The following IL16 variants were observed in gnomAD, a reference collection of about 807,000 sequenced individuals.
IL16 encodes pro-interleukin-16.
IL16 carries 67 observed loss-of-function variants against 110.1 expected under a neutral mutation model. That is an observed-to-expected ratio of 0.61 (90% CI 0.50 to 0.75). The LOEUF (loss-of-function observed/expected upper bound fraction) is 0.75, where lower values mean the gene tolerates loss of function less well. IL16 is among the 30% of genes least tolerant of loss of function. The pLI, the probability that IL16 is intolerant of heterozygous loss-of-function variation, is 0.00. For synonymous variants in IL16, 689 were observed against 662.9 expected, an observed-to-expected ratio of 1.04 and a Z score of -0.61; for missense variants, 1,545 against 1,655.0, an observed-to-expected ratio of 0.93 and a Z score of 1.15.
chr15:81,236,755 A>G (rs1438326415), intron 2 of IL16, among the ~76,000 whole-genome samples: 1 of 148,076 alleles, frequency 6.8e-6, no homozygotes, highest in Non-Finnish European at 1.5e-5. Flanking sequence ...CAGGAGTTCG[A>G]GACCAGCCTG....
chr15:81,256,582 G>A (rs1897955232), intron 2 of IL16, among the ~76,000 whole-genome samples: 1 of 152,018 alleles, frequency 6.6e-6, no homozygotes, highest in Admixed American at 6.6e-5. Flanking sequence ...GAACTCCAGT[G>A]AACCCCCCAA....
At chr15:81,205,066 G>A (rs1327586443) in intron 1 of IL16, among the ~76,000 whole-genome samples, 3 of 152,104 alleles carry the variant, frequency 2.0e-5, no homozygotes, top group Non-Finnish European at 4.4e-5. Flanking sequence ...CAGCACCTTG[G>A]GGGGCCAAGG....
At chr15:81,237,672 C>G (rs1897218786) in intron 2 of IL16, among the ~76,000 whole-genome samples, 1 of 152,044 alleles carries the variant, frequency 6.6e-6, no homozygotes, top group African/African-American at 2.4e-5. Flanking sequence ...GGTTATTATT[C>G]TCTTGCTTTT....
chr15:81,261,279 C>T (rs1337098884), intron 3 of IL16, among the ~76,000 whole-genome samples: 1 of 152,226 alleles, frequency 6.6e-6, no homozygotes, highest in Non-Finnish European at 1.5e-5. Flanking sequence ...CACAGGGCCC[C>T]AGGTGACTGT....
chr15:81,286,424 C>T (rs1428982282), intron 10 of IL16, among the ~76,000 whole-genome samples: 1 of 152,060 alleles, frequency 6.6e-6, no homozygotes, highest in Non-Finnish European at 1.5e-5. Flanking sequence ...CAAAAAGGGA[C>T]CTGACATGGA....
chr15:81,295,427 C>T (rs1294885807), intron 12 of IL16: 2 of 1,288,178 alleles, frequency 1.6e-6, no homozygotes, highest in Admixed American at 2.3e-5. Context: ...TGTAAAGCTG[C>T]ATTGACTGCA....
intron 6 of IL16, among the ~76,000 whole-genome samples, chr15:81,277,291 A>C (rs542381341): frequency 6.6e-6 from 1 of 152,322 alleles, no homozygotes; most frequent in African/African-American, 2.4e-5. Context: ...GAAAAGGGAG[A>C]GATAGTATGC....
rs953572877 is a variant in IL16, at chr15:81,313,744, T to C, written c.*4946T>C. ...CCAGGCCCTGAGAGGAACGAAGAGA[T>C]GCTGCCCTTCACTATTTAGGGTCTG... On this transcript the variant is annotated 3_prime_UTR_variant, in exon 19 of 19. Coordinates refer to ENST00000683961, the MANE Select transcript of IL16 (RefSeq NM_172217.5). 4.0e-4 allele frequency: 69 copies of C among 173,252 alleles called. 1 individual carries two copies. Among genetic ancestry groups the C allele is most frequent in the African/African-American group, 1.5e-3 (62 of 42,360 alleles). 10.7% of individuals were successfully genotyped at this position (173,252 alleles called of 1,614,324 possible).
At chr15:81,215,757 C>T (rs1896404786) in intron 1 of IL16, among the ~76,000 whole-genome samples, 2 of 152,216 alleles carry the variant, frequency 1.3e-5, no homozygotes, top group South Asian at 4.1e-4. Context: ...CCCCTTGCCA[C>T]ACTCTGAGGG....
rs149293610 is a variant in IL16, at chr15:81,196,934, C to T, written c.-320C>T. Reference sequence around the variant, plus strand: ...GGTGGTGAATATTGTGTCCTACTCACGGCATCTCAACTATCGGAGCCTGGG... The same window carrying T: ...GGTGGTGAATATTGTGTCCTACTCATGGCATCTCAACTATCGGAGCCTGGG... On this transcript the variant is annotated 5_prime_UTR_variant, in exon 1 of 19. The change creates a new upstream start codon in the 5' untranslated region. Transcript: ENST00000683961. 38 of 1,252,046 alleles carry T rather than the reference C, an allele frequency of 3.0e-5. No individual in the cohort carries two copies. The highest frequency in any genetic ancestry group is 5.7e-5 in the East Asian group (1 of 17,556). The allele number at this position is 1,252,046 out of a possible 1,614,324, so 77.6% of individuals were successfully genotyped here.
chr15:81,214,409 G>T (rs1037772464), intron 1 of IL16, among the ~76,000 whole-genome samples: 5 of 152,098 alleles, frequency 3.3e-5, no homozygotes, highest in Non-Finnish European at 7.4e-5. Flanking sequence ...TGAAATTCTT[G>T]GTTGGAATTT....
intron 1 of IL16, among the ~76,000 whole-genome samples, chr15:81,191,205 C>T (rs535218640): frequency 5.9e-5 from 9 of 152,134 alleles, no homozygotes; most frequent in East Asian, 1.9e-4. Flanking sequence ...TTGTCATAAC[C>T]GGAGGGTCAT....
intron 2 of IL16, among the ~76,000 whole-genome samples, chr15:81,243,357 G>GA (rs562720070): frequency 1.3e-5 from 2 of 148,522 alleles, no homozygotes; most frequent in Non-Finnish European, 3.0e-5. Flanking sequence ...TATTTTCTTA[G>GA]TTTTTTTTGT....
chr15:81,232,042 G>GTTTTTTTTTT lies in IL16; in HGVS notation c.312+6346_312+6355dup. On this transcript the variant is annotated intron_variant, in intron 2 of 18. Transcript: ENST00000683961. ...ATGTAAGTCCTCCACATTTGTTCTT[G>GTTTTTTTTTT]TTTTTTTTTTTTTTTTTTTTTTTTC... Among the ~76,000 whole-genome samples, 52 of 57,698 alleles carry GTTTTTTTTTT rather than the reference G, an allele frequency of 9.0e-4. 2 individuals carry two copies. The highest frequency in any genetic ancestry group is 3.2e-3 in the African/African-American group (49 of 15,540). 37.9% of individuals were successfully genotyped at this position (57,698 alleles called of 152,430 possible).
intron 13 of IL16, 109 bp downstream of exon 13, chr15:81,297,187 C>T: frequency 9.6e-7 from 1 of 1,037,864 alleles, no homozygotes; most frequent in Non-Finnish European, 1.4e-6. Context: ...GCATTGACAT[C>T]ACCACTGGAC....
intron 1 of IL16, among the ~76,000 whole-genome samples, chr15:81,212,820 T>G (rs961726230): frequency 6.6e-6 from 1 of 152,144 alleles, no homozygotes; most frequent in Non-Finnish European, 1.5e-5. Context: ...ATTTATTTTC[T>G]TGAAAAAACA....
chr15:81,289,629 T>C (rs1448558865), intron 10 of IL16, among the ~76,000 whole-genome samples: 1 of 151,236 alleles, frequency 6.6e-6, no homozygotes, highest in East Asian at 1.9e-4. Context: ...TCAGGTTGTT[T>C]TGTTGTTGTT....
At chr15:81,206,004 TG>T (rs1397704328) in intron 1 of IL16, among the ~76,000 whole-genome samples, 1 of 152,168 alleles carries the variant, frequency 6.6e-6, no homozygotes, top group African/African-American at 2.4e-5. Context: ...CGTCGAAATA[TG>T]TAAAACAAAA....
intron 1 of IL16, among the ~76,000 whole-genome samples, 152 bp from the exon 2 acceptor site, chr15:81,225,147 C>T (rs1214155943): frequency 6.6e-6 from 1 of 152,194 alleles, no homozygotes; most frequent in Non-Finnish European, 1.5e-5. Context: ...TTGGCTGGCA[C>T]ACTGGAAGGG....
Sources: allele counts gnomAD v4.1 joint callset (sites outside exome capture counted in the v4.1 genomes callset), GRCh38; gene constraint gnomAD v4.1.1; transcripts MANE v1.5; gene names NCBI Gene and HGNC (gene_info 2026-07-23, HGNC 2026-07-21).